The following CADPS2 variants were observed in gnomAD, a reference collection of about 807,000 sequenced individuals.
The protein encoded by CADPS2 is calcium dependent secretion activator 2.
Under a neutral mutation model 172.5 loss-of-function variants are expected in CADPS2, and 93 were observed. The ratio of observed to expected loss-of-function variants is 0.54; its 90% CI spans 0.46 to 0.64. CADPS2 has a LOEUF of 0.64. Among genes scored for constraint, CADPS2 ranks in the 30% least tolerant of loss-of-function variants. CADPS2 has a pLI of 0.00. For synonymous variants in CADPS2, 546 were observed against 555.2 expected (o/e 0.98, Z 0.23); for missense variants, 1,420 against 1,565.9 (o/e 0.91, Z 1.57).
chr7:122,663,103 T>C (rs900776087), intron 3 of CADPS2, 134 bp downstream of exon 3: 9 of 664,968 alleles, frequency 1.4e-5, no homozygotes, highest in African/African-American at 1.3e-4. Flanking sequence ...ATGTGATCTA[T>C]TCAAATTCAA....
chr7:122,517,578 T>C (rs1379491851), intron 8 of CADPS2, among the ~76,000 whole-genome samples: 3 of 152,052 alleles, frequency 2.0e-5, no homozygotes, highest in Non-Finnish European at 4.4e-5. Flanking sequence ...TTATTAAATA[T>C]TAGGGGGATG....
intron 1 of CADPS2, among the ~76,000 whole-genome samples, chr7:122,797,861 AAAAGTT>A (rs1307787263): frequency 6.6e-6 from 1 of 152,218 alleles, no homozygotes; most frequent in Non-Finnish European, 1.5e-5. Flanking sequence ...CCCTGAACTT[AAAAGTT>A]AAATTAAAAA....
intron 1 of CADPS2, among the ~76,000 whole-genome samples, chr7:122,748,916 CA>C (rs1319662306): frequency 6.6e-6 from 1 of 151,980 alleles, no homozygotes; most frequent in African/African-American, 2.4e-5. Flanking sequence ...TCAAAAAGTA[CA>C]AAAGTAAGAG....
At chr7:122,355,801 T>C (rs900499396) in intron 27 of CADPS2, among the ~76,000 whole-genome samples, 1 of 152,186 alleles carries the variant, frequency 6.6e-6, no homozygotes, top group African/African-American at 2.4e-5. Context: ...ACTCATTTTA[T>C]AGATGACTAG....
At chr7:122,337,123 A>C (rs1278685910) in intron 28 of CADPS2, among the ~76,000 whole-genome samples, 1 of 152,160 alleles carries the variant, frequency 6.6e-6, no homozygotes, top group Non-Finnish European at 1.5e-5. Context: ...GCCTCCTGGG[A>C]GGGCCCCAAG....
intron 2 of CADPS2, among the ~76,000 whole-genome samples, chr7:122,724,817 C>T (rs1370785454): frequency 6.6e-6 from 1 of 151,950 alleles, no homozygotes; most frequent in Non-Finnish European, 1.5e-5. Flanking sequence ...CGATTTCTAA[C>T]CATTTTTGAA....
At chr7:122,675,573 A>G (rs1187904881) in intron 2 of CADPS2, among the ~76,000 whole-genome samples, 3 of 152,182 alleles carry the variant, frequency 2.0e-5, no homozygotes, top group African/African-American at 2.4e-5. Context: ...TGCAATAAAC[A>G]TATGTGTGCA....
chr7:122,789,065 G>C (rs1794696048), intron 1 of CADPS2, among the ~76,000 whole-genome samples: 1 of 152,190 alleles, frequency 6.6e-6, no homozygotes, highest in African/African-American at 2.4e-5. Flanking sequence ...TATGTCCTCA[G>C]TGATGGGTGG....
At chr7:122,843,678 A>C (rs997881772) in intron 1 of CADPS2, among the ~76,000 whole-genome samples, 2 of 152,216 alleles carry the variant, frequency 1.3e-5, no homozygotes, top group African/African-American at 4.8e-5. Context: ...GTCTGACAAG[A>C]GAGACTGGGG....
At chr7:122,739,931 A>G (rs368198500) in intron 1 of CADPS2, among the ~76,000 whole-genome samples, 2 of 152,132 alleles carry the variant, frequency 1.3e-5, no homozygotes, top group Non-Finnish European at 2.9e-5. Flanking sequence ...TAGCAACTCA[A>G]ATCAGTAGTA....
At chr7:122,325,176 T>C (rs1246576487) in intron 29 of CADPS2, among the ~76,000 whole-genome samples, 1 of 152,208 alleles carries the variant, frequency 6.6e-6, no homozygotes, top group Non-Finnish European at 1.5e-5. Flanking sequence ...AACATTCATA[T>C]GCTTAAGAAA....
chr7:122,609,198 AG>A (rs1293916256), intron 6 of CADPS2, among the ~76,000 whole-genome samples: 2 of 152,106 alleles, frequency 1.3e-5, no homozygotes, highest in Admixed American at 6.6e-5. Flanking sequence ...TAACACTTGG[AG>A]GGAATAAAAG....
chr7:122,579,418 A>G (rs1366845497), intron 7 of CADPS2, among the ~76,000 whole-genome samples: 1 of 148,258 alleles, frequency 6.7e-6, no homozygotes, highest in Admixed American at 6.8e-5. Flanking sequence ...GTAAGGGAGC[A>G]TAAGCGGTTT....
At chr7:122,547,589 A>T (rs2063757559) in intron 8 of CADPS2, among the ~76,000 whole-genome samples, 1 of 152,230 alleles carries the variant, frequency 6.6e-6, no homozygotes, top group African/African-American at 2.4e-5. Context: ...GGGTTTAAAA[A>T]TAGCAAGTGA....
chr7:122,341,371 C>T (rs1364168448), intron 28 of CADPS2, among the ~76,000 whole-genome samples: 2 of 152,056 alleles, frequency 1.3e-5, no homozygotes, highest in African/African-American at 2.4e-5. Context: ...TCATTGCTAA[C>T]ATTAAAACTA....
chr7:122,824,181 T>C (rs144136213), intron 1 of CADPS2, among the ~76,000 whole-genome samples: 1 of 152,350 alleles, frequency 6.6e-6, no homozygotes, highest in East Asian at 1.9e-4. Context: ...GCTTATATCA[T>C]TTGATTCTCA....
At chr7:122,559,994 C>T (rs75577025) in intron 7 of CADPS2, among the ~76,000 whole-genome samples, 30,519 of 151,798 alleles carry the variant, frequency 0.2, 4,053 homozygotes, top group Non-Finnish European at 0.3. Flanking sequence ...GATCAAGAGG[C>T]TGCACATTGT....
At chr7:122,422,265 G>A (rs888006045) in intron 17 of CADPS2, among the ~76,000 whole-genome samples, 6 of 152,134 alleles carry the variant, frequency 3.9e-5, no homozygotes, top group Admixed American at 6.6e-5. Context: ...CCCAAACAGC[G>A]AGGCTTTACC....
intron 22 of CADPS2, among the ~76,000 whole-genome samples, chr7:122,392,837 A>G (rs1057404801): frequency 1.3e-5 from 2 of 152,174 alleles, no homozygotes; most frequent in African/African-American, 2.4e-5. Flanking sequence ...GCAGTAATAA[A>G]GCTGGAGCTA....
Sources: gnomAD v4.1 joint callset for allele counts (sites outside exome capture counted in the v4.1 genomes callset) on GRCh38, gnomAD v4.1.1 for gene constraint, MANE v1.5 for transcripts, NCBI Gene and HGNC (gene_info 2026-07-23, HGNC 2026-07-21) for gene names.